SCYL2: variants seen among roughly 807,000 people sequenced by gnomAD.
The protein encoded by SCYL2 is SCY1 like pseudokinase 2.
A neutral mutation model predicts 100.4 loss-of-function variants in SCYL2; 36 were observed. That is an observed-to-expected ratio of 0.36 (90% confidence interval 0.27 to 0.47). SCYL2 has a LOEUF of 0.47. Ranked by LOEUF, SCYL2 falls within the 20% of genes least tolerant of loss-of-function variation. The pLI, the probability that SCYL2 is intolerant of heterozygous loss-of-function variation, is 1.00. For synonymous variants in SCYL2, 330 were observed against 359.2 expected, an observed-to-expected ratio of 0.92 and a Z score of 0.92; for missense variants, 902 against 1,083.9, an observed-to-expected ratio of 0.83 and a Z score of 2.36.
chr12:100,285,867 A>G (rs758667307), intron 2 of SCYL2, among the ~76,000 whole-genome samples: 1 of 152,050 alleles, frequency 6.6e-6, no homozygotes. Context: ...TCTTGGTTGG[A>G]TTTCATTGAC....
intron 3 of SCYL2, among the ~76,000 whole-genome samples, chr12:100,292,214 TTTTAATACTCC>T (rs1425626066): frequency 1.3e-5 from 2 of 152,364 alleles, no homozygotes; most frequent in Non-Finnish European, 2.9e-5. Context: ...CTTGTGGCAC[TTTTAATACTCC>T]TTTAGATACG....
rs12315457 is a variant in SCYL2 at position 100,288,729 on chromosome 12, C to G, written c.178-2774C>G. Among the ~76,000 whole-genome samples, 760 of 151,182 alleles carry G rather than the reference C, an allele frequency of 5.0e-3. 12 individuals are homozygous for G. The highest frequency in any genetic ancestry group is 0.018 in the African/African-American group (722 of 41,136). The stretch of plus-strand genomic sequence containing the variant: ...GTGTGTGGCTGTGGTCCCAGCTACT[C>G]GGGAGACTGAGGTGAGAGGATCACT... On this transcript the variant is annotated intron_variant, in intron 2 of 17. Transcript: ENST00000360820.
intron 10 of SCYL2, 96 bp downstream of exon 10, chr12:100,318,021 C>T: frequency 1.8e-6 from 2 of 1,110,712 alleles, no homozygotes; most frequent in Non-Finnish European, 2.5e-6. Context: ...TCATAAAATA[C>T]ATAACTCAAT....
chr12:100,335,985 A>C lies in SCYL2; in HGVS notation c.2025+79A>C, dbSNP rs1952272222. 11 of 1,008,262 alleles carry C rather than the reference A, an allele frequency of 1.1e-5. No individual in the cohort carries two copies. In the South Asian group the frequency reaches 1.5e-4, roughly 14 times the overall value. 62.5% of individuals were successfully genotyped at this position (1,008,262 alleles called of 1,614,324 possible). A position where few individuals can be genotyped will look rare whatever the true frequency, so the allele number is the denominator to read the frequency against. ...TGTAAACCACAGATTTTTGTTGGGA[A>C]ATACTGTTCAGCAGCTTAACAAGAA... On this transcript the variant is annotated intron_variant, in intron 16 of 17. Coordinates refer to ENST00000360820, the MANE Select transcript of SCYL2 (RefSeq NM_017988.6).
At position 100,335,833 on chromosome 12, in the gene SCYL2, A is replaced by G. The variant is rs1175890189; in HGVS notation, c.1952A>G (p.Asn651Ser). Residue 651 changes from asparagine (N) to serine (S), a missense_variant, in exon 16 of 18, where the codon AAC (asparagine) becomes AGC (serine). Coordinates refer to ENST00000360820, the MANE Select transcript of SCYL2 (RefSeq NM_017988.6). ...GNQQIDKVFN[N>S]IGADLLTGSE... is the part of the protein sequence containing the mutation. Reference sequence around the variant, plus strand: ...CAGCAAATTGACAAAGTTTTTAACAACATTGGAGCAGACCTTCTGACTGGC... The same window carrying G: ...CAGCAAATTGACAAAGTTTTTAACAGCATTGGAGCAGACCTTCTGACTGGC... The G allele has an allele frequency of 2.5e-6, 4 of 1,613,190 alleles. No homozygotes were observed. The highest frequency in any genetic ancestry group is 2.5e-6 in the Non-Finnish European group (3 of 1,179,418).
intron 4 of SCYL2, among the ~76,000 whole-genome samples, chr12:100,307,463 CCCTT>C (rs1432817276): frequency 1.3e-5 from 2 of 152,060 alleles, no homozygotes; most frequent in African/African-American, 4.8e-5. Flanking sequence ...GAAACTGGAC[CCCTT>C]CCTTACACCT....
intron 10 of SCYL2, among the ~76,000 whole-genome samples, chr12:100,320,594 A>T (rs1390088461): frequency 6.7e-6 from 1 of 149,036 alleles, no homozygotes; most frequent in African/African-American, 2.5e-5. Flanking sequence ...ATAAATAAAT[A>T]AAGTTCCTCA....
At chr12:100,298,000 A>G (rs1383050190) in intron 3 of SCYL2, 31 bp from the exon 4 acceptor site, 1 of 1,542,284 alleles carries the variant, frequency 6.5e-7, no homozygotes, top group Non-Finnish European at 8.9e-7. Context: ...TAATAATATG[A>G]TAGTAAATAA....
chr12:100,313,930 G>A (rs902150147), intron 7 of SCYL2, among the ~76,000 whole-genome samples: 1 of 149,784 alleles, frequency 6.7e-6, no homozygotes, highest in African/African-American at 2.5e-5. Context: ...ACCCAGGCTG[G>A]AGTGTAGTGG....
chr12:100,316,338 T>C (rs1453390641), intron 9 of SCYL2, among the ~76,000 whole-genome samples: 1 of 152,222 alleles, frequency 6.6e-6, no homozygotes, highest in Non-Finnish European at 1.5e-5. Context: ...CTGGGTTGAA[T>C]TGGGGCTTCT....
intron 10 of SCYL2, among the ~76,000 whole-genome samples, chr12:100,318,616 G>A: frequency 6.6e-6 from 1 of 152,214 alleles, no homozygotes; most frequent in East Asian, 1.9e-4. Context: ...ATAAGCCTGA[G>A]CCATTGGGCG....
intron 1 of SCYL2, among the ~76,000 whole-genome samples, chr12:100,273,645 T>C (rs1004886737): frequency 1.3e-5 from 2 of 152,240 alleles, no homozygotes; most frequent in Admixed American, 6.5e-5. Context: ...TTTGTTTTCA[T>C]ATGTAACTGT....
chr12:100,332,540 A>G (rs1952223287), intron 13 of SCYL2, among the ~76,000 whole-genome samples: 1 of 152,178 alleles, frequency 6.6e-6, no homozygotes, highest in African/African-American at 2.4e-5. Context: ...GAAGCCAGGC[A>G]TAGAAGAGGA....
intron 1 of SCYL2, among the ~76,000 whole-genome samples, chr12:100,269,553 T>C (rs2096284997): frequency 6.6e-6 from 1 of 152,158 alleles, no homozygotes; most frequent in Admixed American, 6.5e-5. Context: ...GGGCCAAGAA[T>C]TGTACTAAAC....
intron 11 of SCYL2, among the ~76,000 whole-genome samples, chr12:100,325,694 A>C: frequency 6.6e-6 from 1 of 152,140 alleles, no homozygotes; most frequent in East Asian, 1.9e-4. Context: ...TACTTACATG[A>C]CTAATATTTT....
chr12:100,313,880 A>ATTT (rs769757760), intron 7 of SCYL2, among the ~76,000 whole-genome samples: 3 of 133,994 alleles, frequency 2.2e-5, no homozygotes, highest in Non-Finnish European at 4.9e-5. Flanking sequence ...ATAACCATGG[A>ATTT]TTTTTTTTTT....
At chr12:100,313,753 T>C (rs1172727418) in intron 7 of SCYL2, among the ~76,000 whole-genome samples, 1 of 152,206 alleles carries the variant, frequency 6.6e-6, no homozygotes, top group Non-Finnish European at 1.5e-5. Flanking sequence ...GCTAAATATG[T>C]ACGTAATTGC....
chr12:100,326,659 T>A lies in SCYL2; in HGVS notation c.1547T>A (p.Leu516Ter). Reference sequence around the variant, plus strand: ...TCATTAGTGTGCTTAGGAAAGATTTTGGAATACTTGGATAAGTGGTTTGTA... The same window carrying A: ...TCATTAGTGTGCTTAGGAAAGATTTAGGAATACTTGGATAAGTGGTTTGTA... ...VNSLVCLGKI[L>*]EYLDKWFVLD... The change falls in exon 12 of 18, where the codon TTG becomes TAG. Residue 516 changes from leucine (L) to a stop codon, truncating the protein, a stop_gained. Coordinates refer to ENST00000360820, the MANE Select transcript of SCYL2 (RefSeq NM_017988.6). LOFTEE classifies it high-confidence loss of function. 3.1e-6 allele frequency: 5 copies of A among 1,607,288 alleles called. No individual in the cohort carries two copies. Among genetic ancestry groups the A allele is most frequent in the Non-Finnish European group, 4.2e-6 (5 of 1,177,766 alleles).
Position 100,298,012 on chromosome 12 carries a change from T to C in SCYL2, c.336-19T>C. The C allele has an allele frequency of 6.3e-7, 1 of 1,591,878 alleles. No individual in the cohort carries two copies. The highest frequency in any genetic ancestry group is 8.6e-7 in the Non-Finnish European group (1 of 1,167,638). The stretch of plus-strand genomic sequence containing the variant: ...GTGTAATAATATGATAGTAAATAAC[T>C]TTTTCTTTTTTAAAACAGGGATTGC... On this transcript the variant is annotated intron_variant, in intron 3 of 17. Coordinates refer to ENST00000360820, the MANE Select transcript of SCYL2 (RefSeq NM_017988.6).
Sources: gnomAD v4.1 joint callset for allele counts (sites outside exome capture counted in the v4.1 genomes callset) on GRCh38, gnomAD v4.1.1 for gene constraint, MANE v1.5 for transcripts, NCBI Gene and HGNC (gene_info 2026-07-23, HGNC 2026-07-21) for gene names.